PPP1R14C: variants seen among roughly 807,000 people sequenced by gnomAD.
PPP1R14C encodes protein phosphatase 1 regulatory subunit 14C.
Under a neutral mutation model 20.4 loss-of-function variants are expected in PPP1R14C, and 16 were observed. The observed-to-expected ratio is 0.78, with a 90% confidence interval of 0.53 to 1.19. The LOEUF (loss-of-function observed/expected upper bound fraction) is 1.19. Ranked by LOEUF, PPP1R14C falls within the 50% of genes most tolerant of loss-of-function variation. The pLI, the probability that PPP1R14C is intolerant of heterozygous loss-of-function variation, is 0.00. For synonymous variants in PPP1R14C, 91 were observed against 91.0 expected, an observed-to-expected ratio of 1.00 and a Z score of 0.00; for missense variants, 211 against 220.1, an observed-to-expected ratio of 0.96 and a Z score of 0.26.
intron 1 of PPP1R14C, among the ~76,000 whole-genome samples, chr6:150,174,008 CT>C (rs147964588): frequency 0.039 from 5,677 of 144,338 alleles, 200 homozygotes; most frequent in East Asian, 0.16. Context: ...TATTTGGCAC[CT>C]CTCCCTCCCC....
chr6:150,152,925 T>C (rs1038196614), intron 1 of PPP1R14C, among the ~76,000 whole-genome samples: 1 of 152,060 alleles, frequency 6.6e-6, no homozygotes, highest in Non-Finnish European at 1.5e-5. Flanking sequence ...AGGTCATTAG[T>C]GTTAGGTGAG....
chr6:150,196,490 A>G (rs1777806364), intron 1 of PPP1R14C, among the ~76,000 whole-genome samples: 1 of 151,308 alleles, frequency 6.6e-6, no homozygotes, highest in Non-Finnish European at 1.5e-5. Context: ...TGTTTTGAGT[A>G]TGTTCTCCTC....
At chr6:150,152,714 C>T (rs1471200778) in intron 1 of PPP1R14C, among the ~76,000 whole-genome samples, 1 of 152,174 alleles carries the variant, frequency 6.6e-6, no homozygotes, top group East Asian at 1.9e-4. Context: ...TTTCCAGGGT[C>T]CCTCTTTCTG....
At chr6:150,248,602 T>C (rs571409492) in intron 3 of PPP1R14C, 144 bp from the exon 4 acceptor site, 22 of 528,382 alleles carry the variant, frequency 4.2e-5, no homozygotes, top group Non-Finnish European at 7.1e-5. Flanking sequence ...TTAAAAATCC[T>C]GTATTATACC....
chr6:150,218,295 C>T (rs543109052), intron 3 of PPP1R14C, among the ~76,000 whole-genome samples: 3 of 151,776 alleles, frequency 2.0e-5, no homozygotes, highest in East Asian at 1.9e-4. Flanking sequence ...CCTAGCTACT[C>T]GGGAGGCTGA....
intron 1 of PPP1R14C, chr6:150,195,265 G>A: frequency 1.5e-6 from 1 of 668,540 alleles, no homozygotes; most frequent in Non-Finnish European, 1.8e-6. Context: ...TGTTATACAT[G>A]GGGGCTAAAA....
intron 1 of PPP1R14C, among the ~76,000 whole-genome samples, chr6:150,154,322 T>C (rs992867634): frequency 6.6e-6 from 1 of 152,190 alleles, no homozygotes; most frequent in African/African-American, 2.4e-5. Context: ...TGCTGGCACC[T>C]ATGAGATTAA....
chr6:150,230,062 A>G (rs1778276304), intron 3 of PPP1R14C, among the ~76,000 whole-genome samples: 1 of 152,266 alleles, frequency 6.6e-6, no homozygotes, highest in South Asian at 2.1e-4. Context: ...GCCCTCATCC[A>G]GGAGTTTTCA....
At chr6:150,209,757 TTG>T (rs1244598040) in intron 1 of PPP1R14C, among the ~76,000 whole-genome samples, 3 of 142,200 alleles carry the variant, frequency 2.1e-5, no homozygotes, top group Non-Finnish European at 4.6e-5. Context: ...GTGTGTATGT[TTG>T]TATATATATT....
At chr6:150,168,449 C>A (rs902235985) in intron 1 of PPP1R14C, among the ~76,000 whole-genome samples, 1 of 152,032 alleles carries the variant, frequency 6.6e-6, no homozygotes, top group Non-Finnish European at 1.5e-5. Flanking sequence ...AGGAGAATGG[C>A]GTGAACCCGG....
At chr6:150,152,178 G>A (rs984180187) in intron 1 of PPP1R14C, among the ~76,000 whole-genome samples, 1 of 151,404 alleles carries the variant, frequency 6.6e-6, no homozygotes, top group Non-Finnish European at 1.5e-5. Context: ...TGTCCTTCAT[G>A]GGTGCTAATT....
At chr6:150,211,106 C>T (rs78224451) in intron 1 of PPP1R14C, among the ~76,000 whole-genome samples, 11,682 of 152,102 alleles carry the variant, frequency 0.077, 501 homozygotes, top group African/African-American at 0.093. Flanking sequence ...CCCTGCCTGC[C>T]CCTGGCGGAG....
At position 150,214,735 on chromosome 6, in the gene PPP1R14C, G is replaced by A. The variant is rs1562271636; in HGVS notation, c.307-9G>A. ...TTAAATGCCTTCATATCCTCCCACTGCCCCCCAGGAAGAAGAAATGCCAGA... is the reference window on the plus strand; with the variant it reads ...TTAAATGCCTTCATATCCTCCCACTACCCCCCAGGAAGAAGAAATGCCAGA... On this transcript the variant is annotated splice_polypyrimidine_tract_variant and intron_variant, in intron 1 of 3. Transcript: ENST00000361131. 1.2e-6 allele frequency: 2 copies of A among 1,609,762 alleles called. No individual in the cohort carries two copies. The highest frequency in any genetic ancestry group is 1.7e-5 in the Admixed American group (1 of 59,832).
intron 3 of PPP1R14C, among the ~76,000 whole-genome samples, chr6:150,239,931 G>A (rs1778412005): frequency 6.6e-6 from 1 of 152,146 alleles, no homozygotes; most frequent in African/African-American, 2.4e-5. Flanking sequence ...GTGCATGCCT[G>A]TAATCCCAGC....
At chr6:150,204,996 C>CTTTTTTTTTTT (rs10683235) in intron 1 of PPP1R14C, among the ~76,000 whole-genome samples, 1 of 143,332 alleles carries the variant, frequency 7.0e-6, no homozygotes. Flanking sequence ...AACTCAGAGT[C>CTTTTTTTTTTT]TTTTTTTTTT....
intron 1 of PPP1R14C, among the ~76,000 whole-genome samples, chr6:150,177,055 A>G (rs2114875170): frequency 6.6e-6 from 1 of 152,200 alleles, no homozygotes; most frequent in Admixed American, 6.5e-5. Context: ...CCTAATATCC[A>G]CGGCTCAGCC....
chr6:150,148,168 TA>T (rs1342836429), intron 1 of PPP1R14C, among the ~76,000 whole-genome samples: 1 of 152,210 alleles, frequency 6.6e-6, no homozygotes, highest in East Asian at 1.9e-4. Context: ...GGGAGAAGCC[TA>T]AACATGTGTA....
Position 150,169,309 on chromosome 6 carries a change from T to C in PPP1R14C, c.306+25811T>C, listed in dbSNP as rs1777472309. Among the ~76,000 whole-genome samples, 4 of 152,342 alleles carry C rather than the reference T, an allele frequency of 2.6e-5. No individual in the cohort carries two copies. In the South Asian group the frequency reaches 8.3e-4, roughly 32 times the overall value. On this transcript the variant is annotated intron_variant, in intron 1 of 3. Transcript: ENST00000361131. ...ACTGCATGGAGTTTTTGAATAATAA[T>C]TTAATGGTAACTGATTCTGTTGTCA...
intron 3 of PPP1R14C, among the ~76,000 whole-genome samples, chr6:150,236,101 C>T (rs1484319986): frequency 1.3e-5 from 2 of 152,184 alleles, no homozygotes; most frequent in African/African-American, 4.8e-5. Flanking sequence ...CATCCCAGGT[C>T]CCTTTGGCCT....
Sources: allele counts gnomAD v4.1 joint callset (sites outside exome capture counted in the v4.1 genomes callset), GRCh38; gene constraint gnomAD v4.1.1; transcripts MANE v1.5; gene names NCBI Gene and HGNC (gene_info 2026-07-23, HGNC 2026-07-21).